RFFL: variants seen among roughly 807,000 people sequenced by gnomAD.
RFFL encodes E3 ubiquitin-protein ligase rififylin.
RFFL carries 16 observed loss-of-function variants against 40.4 expected under a neutral mutation model. The observed-to-expected ratio is 0.40, with a 90% confidence interval of 0.27 to 0.60. The LOEUF is 0.60. Ranked by LOEUF, RFFL falls within the 20% of genes least tolerant of loss-of-function variation. The pLI, the probability that RFFL is intolerant of heterozygous loss-of-function variation, is 0.47. For missense variants in RFFL, 367 were observed against 451.7 expected (o/e 0.81, Z 1.70); for synonymous variants, 154 against 167.9 (o/e 0.92, Z 0.64).
chr17:35,016,466 G>T lies in RFFL; in HGVS notation c.790C>A (p.Arg264Ser). 6.2e-7 allele frequency: 1 copy of T among 1,614,138 alleles called. No homozygotes were observed. Among genetic ancestry groups the T allele is most frequent in the Non-Finnish European group, 8.5e-7 (1 of 1,180,032 alleles). Residue 264 changes from arginine to serine, a missense_variant, in exon 5 of 7, where the codon CGC (arginine) becomes AGC (serine). Physicochemically the swap from Arg to Ser is moderately radical, Grantham distance 110. Transcript: ENST00000394597. ...CAGCCCTTGTAGTTGACAAAGTTGC[G>T]AGCCAAGATCTCTTTCAGCTGCCGC... is the stretch of plus-strand genomic sequence containing the variant. ...TVRQLKEILA[R>S]NFVNYKGCCE...
At chr17:35,055,850 G>T (rs1307675901) in intron 1 of RFFL, among the ~76,000 whole-genome samples, 1 of 151,904 alleles carries the variant, frequency 6.6e-6, no homozygotes, top group African/African-American at 2.4e-5. Flanking sequence ...AGAATTGCTT[G>T]AGATATTTTT....
chr17:35,058,203 A>G (rs936315750), intron 1 of RFFL, among the ~76,000 whole-genome samples: 5 of 151,936 alleles, frequency 3.3e-5, no homozygotes, highest in Non-Finnish European at 7.4e-5. Context: ...CTTGCCTTAC[A>G]TATTATATCT....
intron 1 of RFFL, among the ~76,000 whole-genome samples, chr17:35,069,007 A>G (rs2091333971): frequency 6.6e-6 from 1 of 152,174 alleles, no homozygotes; most frequent in Non-Finnish European, 1.5e-5. Flanking sequence ...ATCAAACTCC[A>G]TCACCTAAAT....
intron 1 of RFFL, among the ~76,000 whole-genome samples, chr17:35,043,974 C>T (rs2091182282): frequency 1.3e-5 from 2 of 152,192 alleles, no homozygotes; most frequent in South Asian, 4.1e-4. Context: ...TACAGACCCC[C>T]AACCTTCTAA....
chr17:35,025,524 A>T (rs2142326590), intron 2 of RFFL, among the ~76,000 whole-genome samples: 1 of 152,372 alleles, frequency 6.6e-6, no homozygotes, highest in African/African-American at 2.4e-5. Context: ...AAATAAAAAA[A>T]TTTAAATTCC....
chr17:35,043,048 C>T (rs749928293), intron 1 of RFFL, among the ~76,000 whole-genome samples: 5 of 152,088 alleles, frequency 3.3e-5, no homozygotes, highest in African/African-American at 4.8e-5. Context: ...ATTTTCTATC[C>T]TCCAAGGCAG....
At chr17:35,062,887 A>T (rs1193859327) in intron 1 of RFFL, among the ~76,000 whole-genome samples, 1 of 152,182 alleles carries the variant, frequency 6.6e-6, no homozygotes, top group African/African-American at 2.4e-5. Context: ...GGTTCTTCCT[A>T]TTAATTCAGA....
chr17:35,084,388 G>A (rs1303670806), intron 1 of RFFL, among the ~76,000 whole-genome samples: 1 of 152,212 alleles, frequency 6.6e-6, no homozygotes, highest in African/African-American at 2.4e-5. Flanking sequence ...GAGGTCAGGA[G>A]TTTGAGACCA....
intron 1 of RFFL, among the ~76,000 whole-genome samples, chr17:35,080,428 T>C (rs1385862780): frequency 1.3e-5 from 2 of 152,164 alleles, no homozygotes; most frequent in Non-Finnish European, 2.9e-5. Flanking sequence ...ATAAAATACG[T>C]TGATTCAATT....
intron 1 of RFFL, among the ~76,000 whole-genome samples, chr17:35,029,498 C>A (rs1260066255): frequency 6.7e-6 from 1 of 149,328 alleles, no homozygotes; most frequent in Non-Finnish European, 1.5e-5. Flanking sequence ...CAGCTGTCAT[C>A]ATGCCCAGCT....
intron 1 of RFFL, among the ~76,000 whole-genome samples, chr17:35,056,283 T>A (rs2091260686): frequency 6.6e-6 from 1 of 152,042 alleles, no homozygotes; most frequent in Non-Finnish European, 1.5e-5. Flanking sequence ...TTTCCTTCCC[T>A]GGTTCCTTCT....
Position 35,020,456 on chromosome 17 carries a change from C to T in RFFL, c.591+915G>A, listed in dbSNP as rs540543527. Among the ~76,000 whole-genome samples the T allele has an allele frequency of 3.3e-5, 5 of 150,356 alleles. No homozygotes were observed. The East Asian group carries it at 9.7e-4, about 29-fold the overall frequency. On this transcript the variant is annotated intron_variant, in intron 3 of 6. Transcript: ENST00000394597. ...GCATGCGAGGGATCTAGGATGCATG[C>T]TCCTTATGAAAATCTAACTAATGCC...
intron 1 of RFFL, among the ~76,000 whole-genome samples, chr17:35,079,211 C>T (rs894026796): frequency 5.3e-5 from 8 of 151,958 alleles, no homozygotes; most frequent in African/African-American, 1.7e-4. Context: ...TTAGTAGAGA[C>T]GAGGGTTTCA....
chr17:35,043,739 A>G (rs1326153642), intron 1 of RFFL, among the ~76,000 whole-genome samples: 1 of 152,230 alleles, frequency 6.6e-6, no homozygotes, highest in Non-Finnish European at 1.5e-5. Flanking sequence ...AAAATGTGCC[A>G]AGTTAGTTGT....
intron 2 of RFFL, among the ~76,000 whole-genome samples, chr17:35,024,477 C>G (rs1221290767): frequency 6.6e-6 from 1 of 152,158 alleles, no homozygotes; most frequent in Non-Finnish European, 1.5e-5. Flanking sequence ...CCAAAACCGT[C>G]AGGGTCGCTG....
chr17:35,032,998 G>A (rs2091095738), intron 1 of RFFL, among the ~76,000 whole-genome samples: 1 of 152,008 alleles, frequency 6.6e-6, no homozygotes, highest in South Asian at 2.1e-4. Context: ...ATCATAGCTT[G>A]GAAAGTGAAT....
rs35996071 is a variant in RFFL, at chr17:35,075,986, C to CTTT, written c.-9+13116_-9+13118dup. Reference sequence around the variant, plus strand: ...CCAATGCAAATTCTATCAATTTATTCTTTTTTTTTTTTTTTTTTTTTTTTT... The same window carrying CTTT: ...CCAATGCAAATTCTATCAATTTATTCTTTTTTTTTTTTTTTTTTTTTTTTTTTT... On this transcript the variant is annotated intron_variant, in intron 1 of 6. Transcript: ENST00000315249. 7.2e-3 allele frequency among the ~76,000 whole-genome samples: 575 copies of CTTT among 80,012 alleles called. 2 individuals are homozygous for CTTT. The highest frequency in any genetic ancestry group is 0.015 in the African/African-American group (276 of 18,148). The allele number at this position is 80,012 out of a possible 152,430, so 52.5% of individuals were successfully genotyped here.
rs2091060288 is a variant in RFFL at position 35,028,681 on chromosome 17, T to C, written c.-8-2120A>G. 2.6e-5 allele frequency among the ~76,000 whole-genome samples: 4 copies of C among 152,124 alleles called. No homozygotes were observed. In the South Asian group the frequency reaches 8.3e-4, roughly 31 times the overall value. ...TCTGCTGTCTCCTGACTCATTGTTT[T>C]AACAAGGGCACTTTCATAAGCTAGA... On this transcript the variant is annotated intron_variant, in intron 1 of 6. Coordinates refer to ENST00000394597, the MANE Select transcript of RFFL (RefSeq NM_001017368.2).
intron 1 of RFFL, among the ~76,000 whole-genome samples, chr17:35,077,547 C>CAA (rs2142383594): frequency 1.3e-5 from 2 of 152,272 alleles, no homozygotes; most frequent in African/African-American, 4.8e-5. Flanking sequence ...CAAAGCTGGT[C>CAA]CTTCACCACA....
Sources: gnomAD v4.1 joint callset for allele counts (sites outside exome capture counted in the v4.1 genomes callset) on GRCh38, gnomAD v4.1.1 for gene constraint, MANE v1.5 for transcripts, NCBI Gene and HGNC (gene_info 2026-07-23, HGNC 2026-07-21) for gene names.